Variants in PDE7B observed in about 807,000 individuals in gnomAD.
PDE7B encodes phosphodiesterase 7B.
In PDE7B, 29 loss-of-function variants were observed where a neutral mutation model predicts 56.2. The ratio of observed to expected loss-of-function variants is 0.52; its 90% CI spans 0.38 to 0.70. The LOEUF (loss-of-function observed/expected upper bound fraction) is 0.70. PDE7B is among the 30% of genes least tolerant of loss of function. The pLI is 0.00. For synonymous variants in PDE7B, 197 were observed against 196.9 expected (o/e 1.00, Z 0.00); for missense variants, 490 against 565.0 (o/e 0.87, Z 1.35).
intron 2 of PDE7B, among the ~76,000 whole-genome samples, chr6:136,009,365 T>G (rs1413417512): frequency 1.3e-5 from 2 of 152,176 alleles, no homozygotes; most frequent in Admixed American, 6.5e-5. Flanking sequence ...TTTCTAATTC[T>G]GTGAAGAAAG....
chr6:135,907,740 A>G (rs946855694), intron 1 of PDE7B, among the ~76,000 whole-genome samples: 2 of 152,180 alleles, frequency 1.3e-5, no homozygotes, highest in African/African-American at 4.8e-5. Context: ...TACATGTAAT[A>G]CTCTTATAGA....
At chr6:136,060,788 G>C (rs1260490755) in intron 2 of PDE7B, among the ~76,000 whole-genome samples, 1 of 152,166 alleles carries the variant, frequency 6.6e-6, no homozygotes, top group Non-Finnish European at 1.5e-5. Context: ...ATCACTATGT[G>C]ACCAAGCTGA....
chr6:135,881,312 A>C (rs1775605834), intron 1 of PDE7B, among the ~76,000 whole-genome samples: 1 of 150,504 alleles, frequency 6.6e-6, no homozygotes, highest in East Asian at 2.0e-4. Flanking sequence ...CCTGGCCAAC[A>C]TGGCAAAATC....
At chr6:136,152,661 AG>A (rs1011011340) in intron 6 of PDE7B, among the ~76,000 whole-genome samples, 1 of 152,186 alleles carries the variant, frequency 6.6e-6, no homozygotes. Flanking sequence ...TGAATTTTTC[AG>A]GGGACATTTC....
chr6:135,984,246 T>C (rs1335935644), intron 2 of PDE7B, among the ~76,000 whole-genome samples: 5 of 152,208 alleles, frequency 3.3e-5, no homozygotes, highest in African/African-American at 1.2e-4. Flanking sequence ...ATCGAAGTTA[T>C]TCATCGGAAG....
At chr6:136,104,671 C>T (rs989648392) in intron 2 of PDE7B, among the ~76,000 whole-genome samples, 5 of 152,184 alleles carry the variant, frequency 3.3e-5, no homozygotes, top group African/African-American at 1.2e-4. Flanking sequence ...AAATAGAATG[C>T]TTCAGATTGG....
intron 1 of PDE7B, among the ~76,000 whole-genome samples, chr6:135,891,290 T>C (rs780115175): frequency 1.3e-5 from 2 of 152,190 alleles, no homozygotes; most frequent in Non-Finnish European, 2.9e-5. Flanking sequence ...AGAAAAAGAA[T>C]CTGAAAGAGT....
chr6:135,959,890 G>C (rs1198296076), intron 2 of PDE7B, among the ~76,000 whole-genome samples: 1 of 152,004 alleles, frequency 6.6e-6, no homozygotes, highest in Non-Finnish European at 1.5e-5. Context: ...CCTTTCACCT[G>C]ACCCTCTCAA....
At chr6:135,855,398 A>C (rs1775006910) in intron 1 of PDE7B, among the ~76,000 whole-genome samples, 1 of 152,190 alleles carries the variant, frequency 6.6e-6, no homozygotes, top group Non-Finnish European at 1.5e-5. Flanking sequence ...GAAATGAAAA[A>C]ACAAAAGGAG....
chr6:136,169,847 T>C (rs2128449615), intron 8 of PDE7B, among the ~76,000 whole-genome samples: 1 of 152,284 alleles, frequency 6.6e-6, no homozygotes, highest in East Asian at 1.9e-4. Flanking sequence ...AATAGACCAG[T>C]TGATAAAAGT....
At chr6:136,116,909 T>C (rs558375440) in intron 3 of PDE7B, among the ~76,000 whole-genome samples, 29 of 152,284 alleles carry the variant, frequency 1.9e-4, no homozygotes, top group African/African-American at 6.0e-4. Context: ...CCATGAGAAA[T>C]CCCACAAAGA....
chr6:136,177,658 C>T lies in PDE7B; in HGVS notation c.804-1339C>T, dbSNP rs149989507. ...TAAGAATGTAGAACAATGAGAATCT[C>T]ATCTGCTACTGCTGGGAGCAAAAAT... On this transcript the variant is annotated intron_variant, in intron 9 of 12. Coordinates refer to ENST00000308191, the MANE Select transcript of PDE7B (RefSeq NM_018945.4). 1.8e-3 allele frequency among the ~76,000 whole-genome samples: 269 copies of T among 152,224 alleles called. 4 individuals carry two copies. Among genetic ancestry groups the T allele is most frequent in the African/African-American group, 6.1e-3 (253 of 41,544 alleles).
intron 11 of PDE7B, among the ~76,000 whole-genome samples, chr6:136,183,400 C>T (rs373522823): frequency 2.9e-4 from 44 of 151,686 alleles, no homozygotes; most frequent in Admixed American, 1.2e-3. Context: ...GAGATCATCC[C>T]GGCTAACACG....
intron 1 of PDE7B, among the ~76,000 whole-genome samples, chr6:135,934,859 A>T (rs1325836084): frequency 1.0e-5 from 1 of 99,360 alleles, no homozygotes; most frequent in African/African-American, 4.0e-5. Flanking sequence ...AAATAAATAT[A>T]TATAAAAATA....
intron 3 of PDE7B, chr6:136,117,005 T>A (rs971172048): frequency 6.6e-6 from 1 of 152,200 alleles, no homozygotes; most frequent in African/African-American, 2.4e-5. Flanking sequence ...CCTCACTCCC[T>A]CATGATGGAT....
At chr6:135,945,728 A>G (rs1313577617) in intron 1 of PDE7B, among the ~76,000 whole-genome samples, 1 of 152,186 alleles carries the variant, frequency 6.6e-6, no homozygotes, top group Non-Finnish European at 1.5e-5. Flanking sequence ...AAAGAGGAAA[A>G]TGAGTGAATG....
chr6:135,887,011 A>G (rs561503644), intron 1 of PDE7B, among the ~76,000 whole-genome samples: 1 of 152,240 alleles, frequency 6.6e-6, no homozygotes, highest in South Asian at 2.1e-4. Flanking sequence ...CCTTTTCACC[A>G]CATCACACCA....
chr6:136,084,048 T>G (rs1281175826), intron 2 of PDE7B, among the ~76,000 whole-genome samples: 4 of 152,208 alleles, frequency 2.6e-5, no homozygotes, highest in Admixed American at 2.6e-4. Context: ...GTAACAATTT[T>G]GACTTCAAAA....
chr6:136,009,278 A>T (rs1316192898), intron 2 of PDE7B, among the ~76,000 whole-genome samples: 3 of 151,928 alleles, frequency 2.0e-5, no homozygotes, highest in Non-Finnish European at 2.9e-5. Flanking sequence ...TGATGCCTCC[A>T]GCTTTGTTCT....
Sources: allele counts gnomAD v4.1 joint callset (sites outside exome capture counted in the v4.1 genomes callset), GRCh38; gene constraint gnomAD v4.1.1; transcripts MANE v1.5; gene names NCBI Gene and HGNC (gene_info 2026-07-23, HGNC 2026-07-21).